Variants in TGFBRAP1 observed in about 807,000 individuals in gnomAD.
The protein encoded by TGFBRAP1 is transforming growth factor beta receptor associated protein 1, also known as transforming growth factor-beta receptor-associated protein 1.
In TGFBRAP1, 20 loss-of-function variants were observed where a neutral mutation model predicts 83.2. The observed-to-expected ratio is 0.24, with a 90% CI of 0.17 to 0.35. The LOEUF (loss-of-function observed/expected upper bound fraction) is 0.35, where lower values mean the gene tolerates loss of function less well. Among genes scored for constraint, TGFBRAP1 ranks in the 10% least tolerant of loss-of-function variants. The pLI is 1.00. For synonymous variants in TGFBRAP1, 415 were observed against 459.8 expected, an observed-to-expected ratio of 0.90 and a Z score of 1.25; for missense variants, 950 against 1,099.4, an observed-to-expected ratio of 0.86 and a Z score of 1.92.
chr2:105,253,050 A>T, the TGFBRAP1 span, among the ~76,000 whole-genome samples: 1 of 152,060 alleles, frequency 6.6e-6, no homozygotes, highest in Non-Finnish European at 1.5e-5. Context: ...CACCACGCCC[A>T]GCCAAGGTGA....
the TGFBRAP1 span, among the ~76,000 whole-genome samples, chr2:105,254,169 T>G: frequency 6.6e-6 from 1 of 152,142 alleles, no homozygotes; most frequent in African/African-American, 2.4e-5. Context: ...CTTCTAAAAG[T>G]GGAAATGGTG....
chr2:105,267,427 T>C lies in TGFBRAP1; in HGVS notation c.2539A>G (p.Arg847Gly). The stretch of plus-strand genomic sequence containing the variant: ...CTGGATGAGCTGGGGTTTGTGTGTC[T>C]GCTGGCGGCACAGTGGGTGTGCACA... ...GLVHTHCAASRHTNPSSSSPG... is the reference protein window; with the variant it reads ...GLVHTHCAASGHTNPSSSSPG... Residue 847 changes from arginine to glycine, a missense_variant, in exon 12 of 12, where the codon AGA becomes GGA. By Grantham distance (125) the Arg-to-Gly change is moderately radical. Coordinates refer to ENST00000393359, the MANE Select transcript of TGFBRAP1 (RefSeq NM_004257.6). 6.2e-7 allele frequency: 1 copy of C among 1,614,254 alleles called. No homozygotes were observed. The highest frequency in any genetic ancestry group is 8.5e-7 in the Non-Finnish European group (1 of 1,180,044).
chr2:105,283,955 A>G (rs1370465457), intron 5 of TGFBRAP1, among the ~76,000 whole-genome samples: 1 of 152,180 alleles, frequency 6.6e-6, no homozygotes, highest in Non-Finnish European at 1.5e-5. Context: ...TTGTAAAAAC[A>G]CTGGAGAGAA....
chr2:105,275,803 T>C, intron 7 of TGFBRAP1, 100 bp from the exon 8 acceptor site: 1 of 1,307,544 alleles, frequency 7.6e-7, no homozygotes, highest in Non-Finnish European at 1.0e-6. Context: ...TGTTTACTTA[T>C]TTGGCTTTTT....
Position 105,266,217 on chromosome 2 carries a change from G to A in TGFBRAP1, c.*1166C>T, listed in dbSNP as rs551910312. The stretch of plus-strand genomic sequence containing the variant: ...GAGCAGGCACATAAAGTGCTGGAGG[G>A]TGACACAGCCTGTCTGGATGTCCTC... On this transcript the variant is annotated 3_prime_UTR_variant, in exon 12 of 12. Coordinates refer to ENST00000393359, the MANE Select transcript of TGFBRAP1 (RefSeq NM_004257.6). 76 of 152,346 alleles carry A rather than the reference G, an allele frequency of 5.0e-4. 2 individuals carry two copies. The highest frequency in any genetic ancestry group is 1.7e-3 in the African/African-American group (71 of 41,574). 9.4% of individuals were successfully genotyped at this position (152,346 alleles called of 1,614,324 possible). A position where few individuals can be genotyped will look rare whatever the true frequency, so the allele number is the denominator to read the frequency against.
chr2:105,278,643 C>A (rs1265021946), intron 6 of TGFBRAP1, among the ~76,000 whole-genome samples: 2 of 152,186 alleles, frequency 1.3e-5, no homozygotes, highest in Non-Finnish European at 2.9e-5. Context: ...GCCCTCAGCA[C>A]CCTCCCAAAG....
At chr2:105,329,447 C>T (rs1343967720) in intron 1 of TGFBRAP1, among the ~76,000 whole-genome samples, 178 bp downstream of exon 1, 1 of 150,588 alleles carries the variant, frequency 6.6e-6, no homozygotes, top group Non-Finnish European at 1.5e-5. Flanking sequence ...AGTGTATAGC[C>T]ACTTGCTCCC....
chr2:105,319,065 T>TTGTG (rs931095521), intron 1 of TGFBRAP1, among the ~76,000 whole-genome samples: 6 of 150,868 alleles, frequency 4.0e-5, no homozygotes, highest in African/African-American at 1.5e-4. Context: ...GAGCCTTTTT[T>TTGTG]TGTGTGTGTG....
intron 1 of TGFBRAP1, among the ~76,000 whole-genome samples, chr2:105,320,947 CCTT>C (rs1367696029): frequency 1.3e-5 from 2 of 152,188 alleles, no homozygotes; most frequent in Non-Finnish European, 2.9e-5. Flanking sequence ...CACACTGCCT[CCTT>C]CTCATCTGTC....
At chr2:105,292,601 A>C (rs1010172224) in intron 4 of TGFBRAP1, among the ~76,000 whole-genome samples, 1 of 151,324 alleles carries the variant, frequency 6.6e-6, no homozygotes. Flanking sequence ...ACAGAGGGAC[A>C]GTGGGAAGGG....
intron 10 of TGFBRAP1, among the ~76,000 whole-genome samples, chr2:105,271,551 G>A (rs1677154596): frequency 6.6e-6 from 1 of 152,148 alleles, no homozygotes; most frequent in African/African-American, 2.4e-5. Flanking sequence ...CCTGTGTTCT[G>A]GCTCTACTGC....
chr2:105,262,755 C>T (rs1038921845), downstream of TGFBRAP1, among the ~76,000 whole-genome samples: 12 of 152,170 alleles, frequency 7.9e-5, no homozygotes, highest in Non-Finnish European at 4.4e-5. Context: ...AACTAATTTA[C>T]GACTCTGGAC....
the TGFBRAP1 span, among the ~76,000 whole-genome samples, chr2:105,254,820 C>T: frequency 2.6e-5 from 4 of 152,070 alleles, no homozygotes; most frequent in East Asian, 7.7e-4. Context: ...GAGGGTGAGG[C>T]CCCCATGATG....
At chr2:105,267,723 T>G in intron 11 of TGFBRAP1, 164 bp from the exon 12 acceptor site, 2 of 985,456 alleles carry the variant, frequency 2.0e-6, no homozygotes, top group South Asian at 9.4e-5. Context: ...AAGGTGTAAA[T>G]AAAACCATCC....
At chr2:105,305,540 G>A (rs1004437872) in intron 2 of TGFBRAP1, among the ~76,000 whole-genome samples, 1 of 152,190 alleles carries the variant, frequency 6.6e-6, no homozygotes, top group Non-Finnish European at 1.5e-5. Context: ...CTTTTGAGGA[G>A]CTAGCTACAA....
At chr2:105,310,244 AT>A (rs1678647858) in intron 1 of TGFBRAP1, among the ~76,000 whole-genome samples, 2 of 152,108 alleles carry the variant, frequency 1.3e-5, no homozygotes, top group African/African-American at 4.8e-5. Context: ...AAACTTTTGG[AT>A]CTCATCATAA....
rs560718495 is a variant in TGFBRAP1, at chr2:105,266,608, C to T, written c.*775G>A. 3 of 152,316 alleles carry T rather than the reference C, an allele frequency of 2.0e-5. No homozygotes were observed. The highest frequency in any genetic ancestry group is 4.1e-4 in the South Asian group (2 of 4,826). 9.4% of individuals were successfully genotyped at this position (152,316 alleles called of 1,614,324 possible). A position where few individuals can be genotyped will look rare whatever the true frequency, so the allele number is the denominator to read the frequency against. On this transcript the variant is annotated 3_prime_UTR_variant, in exon 12 of 12. Coordinates refer to ENST00000393359, the MANE Select transcript of TGFBRAP1 (RefSeq NM_004257.6). ...TTGCCCGCCGTGGGTTTCCCGTGTC[C>T]GCGGCTTCTTCAAGGAGGGGAGAGC...
At chr2:105,261,275 G>T (rs533855845), downstream of TGFBRAP1, among the ~76,000 whole-genome samples, 70 of 152,316 alleles carry the variant, frequency 4.6e-4, no homozygotes, top group African/African-American at 1.6e-3. Context: ...GGGTGAGTCA[G>T]CTCAAAGCAC....
chr2:105,251,250 G>C, the TGFBRAP1 span, among the ~76,000 whole-genome samples: 2 of 142,596 alleles, frequency 1.4e-5, no homozygotes, highest in Admixed American at 1.4e-4. Context: ...AGTGAGGAGC[G>C]TCTCTGCCTG....
Sources: gnomAD v4.1 joint callset for allele counts (sites outside exome capture counted in the v4.1 genomes callset) on GRCh38, gnomAD v4.1.1 for gene constraint, MANE v1.5 for transcripts, NCBI Gene and HGNC (gene_info 2026-07-23, HGNC 2026-07-21) for gene names.